Variants in CSMD1 observed in about 807,000 individuals in gnomAD.
CSMD1 encodes CUB and sushi domain-containing protein 1.
CSMD1 carries 213 observed loss-of-function variants against 417.5 expected under a neutral mutation model. The observed-to-expected ratio is 0.51, with a 90% CI of 0.46 to 0.57. The LOEUF is 0.57. CSMD1 is among the 20% of genes least tolerant of loss of function. The pLI is 0.00. For synonymous variants in CSMD1, 2,862 were observed against 1,736.8 expected (o/e 1.65, Z -16.11); for missense variants, 6,923 against 4,529.7 (o/e 1.53, Z -15.17).
intron 5 of CSMD1, among the ~76,000 whole-genome samples, chr8:3,807,329 G>C (rs1232267277): frequency 6.6e-6 from 1 of 152,090 alleles, no homozygotes; most frequent in African/African-American, 2.4e-5. Context: ...TTTTGTACTT[G>C]ACAAAGAGAA....
chr8:3,602,902 G>A (rs955504319), intron 8 of CSMD1, among the ~76,000 whole-genome samples: 2 of 152,096 alleles, frequency 1.3e-5, no homozygotes, highest in African/African-American at 4.8e-5. Context: ...ATAGGCTCAA[G>A]TAACAATCAC....
chr8:3,384,266 T>C (rs1442568558), intron 18 of CSMD1, among the ~76,000 whole-genome samples: 1 of 152,170 alleles, frequency 6.6e-6, no homozygotes, highest in Non-Finnish European at 1.5e-5. Flanking sequence ...GTTTTGAATC[T>C]TTATATCTTC....
intron 11 of CSMD1, among the ~76,000 whole-genome samples, chr8:3,475,245 A>C (rs6558780): frequency 0.75 from 114,176 of 152,060 alleles, 43,261 homozygotes; most frequent in East Asian, 0.88. Context: ...GTTTCACAGA[A>C]AACTGCTTCA....
At chr8:4,974,353 C>T (rs1211401633) in intron 1 of CSMD1, among the ~76,000 whole-genome samples, 2 of 152,034 alleles carry the variant, frequency 1.3e-5, no homozygotes, top group Admixed American at 6.6e-5. Flanking sequence ...TCTCACATGT[C>T]GGTTAGCACT....
intron 15 of CSMD1, among the ~76,000 whole-genome samples, chr8:3,402,731 T>A (rs1050056302): frequency 2.0e-5 from 3 of 152,200 alleles, no homozygotes; most frequent in Non-Finnish European, 4.4e-5. Flanking sequence ...TTTATCAGAA[T>A]CATAAACAGT....
At chr8:4,000,380 G>A (rs1422911843) in intron 4 of CSMD1, among the ~76,000 whole-genome samples, 4 of 152,210 alleles carry the variant, frequency 2.6e-5, no homozygotes, top group African/African-American at 7.2e-5. Flanking sequence ...ACAGTTCCCT[G>A]TCAAAATTGT....
chr8:3,594,284 T>A (rs960129532), intron 8 of CSMD1, among the ~76,000 whole-genome samples: 10 of 152,156 alleles, frequency 6.6e-5, no homozygotes, highest in African/African-American at 2.4e-4. Context: ...TCTTGGTCAA[T>A]ATATTAAATC....
chr8:4,079,167 A>G (rs1799992389), intron 3 of CSMD1, among the ~76,000 whole-genome samples: 1 of 152,022 alleles, frequency 6.6e-6, no homozygotes, highest in Admixed American at 6.6e-5. Flanking sequence ...GACACAGTAT[A>G]AATTGAATAT....
chr8:4,608,322 G>C (rs935269399), intron 2 of CSMD1, among the ~76,000 whole-genome samples: 1 of 152,182 alleles, frequency 6.6e-6, no homozygotes, highest in Non-Finnish European at 1.5e-5. Flanking sequence ...TGGGTGAGGA[G>C]GCAACTACCC....
intron 1 of CSMD1, among the ~76,000 whole-genome samples, chr8:4,967,689 C>T (rs776295066): frequency 6.6e-6 from 1 of 152,170 alleles, no homozygotes; most frequent in Non-Finnish European, 1.5e-5. Context: ...TACATTTCTT[C>T]CTCAAATGTT....
At chr8:3,026,985 G>C (rs1213072841) in intron 51 of CSMD1, among the ~76,000 whole-genome samples, 2 of 152,036 alleles carry the variant, frequency 1.3e-5, no homozygotes, top group African/African-American at 4.8e-5. Flanking sequence ...GGCCATTAAG[G>C]CTTGTAAATT....
rs183378619 is a variant in CSMD1, at chr8:4,017,242, C to T, written c.610+14663G>A. On this transcript the variant is annotated intron_variant, in intron 4 of 69. Coordinates refer to ENST00000635120, the MANE Select transcript of CSMD1 (RefSeq NM_033225.6). ...TTTAAATTGTCAGCACTATTTTTTTCACAATTCAAGGCTATGCAATTCATC... is the reference window on the plus strand; with the variant it reads ...TTTAAATTGTCAGCACTATTTTTTTTACAATTCAAGGCTATGCAATTCATC... Among the ~76,000 whole-genome samples the T allele has an allele frequency of 3.8e-4, 58 of 152,134 alleles. 2 individuals carry two copies. Among genetic ancestry groups the T allele is most frequent in the Admixed American group, 1.9e-3 (29 of 15,292 alleles).
At chr8:4,000,139 C>A (rs1815553490) in intron 4 of CSMD1, among the ~76,000 whole-genome samples, 1 of 152,138 alleles carries the variant, frequency 6.6e-6, no homozygotes, top group Non-Finnish European at 1.5e-5. Flanking sequence ...CAAGCACACA[C>A]ACTTCCCTGG....
chr8:4,871,980 C>G (rs1398483076), intron 1 of CSMD1, among the ~76,000 whole-genome samples: 1 of 152,046 alleles, frequency 6.6e-6, no homozygotes, highest in South Asian at 2.1e-4. Context: ...GCAGCACGGC[C>G]CCAGCATTTT....
At chr8:3,896,218 T>C (rs771672984) in intron 5 of CSMD1, among the ~76,000 whole-genome samples, 17 of 152,176 alleles carry the variant, frequency 1.1e-4, no homozygotes, top group Non-Finnish European at 2.4e-4. Flanking sequence ...TCCAATTCTA[T>C]AGCCTGGTTG....
At chr8:3,664,055 A>G (rs967381778) in intron 7 of CSMD1, among the ~76,000 whole-genome samples, 2 of 152,168 alleles carry the variant, frequency 1.3e-5, no homozygotes, top group African/African-American at 4.8e-5. Context: ...ATTAAACTTT[A>G]AGTTCTAGGG....
intron 5 of CSMD1, among the ~76,000 whole-genome samples, chr8:3,980,530 G>A (rs1585071327): frequency 7.1e-6 from 1 of 141,368 alleles, no homozygotes; most frequent in South Asian, 2.4e-4. Context: ...ATGCCATTTA[G>A]ATTTGTCGTC....
intron 1 of CSMD1, among the ~76,000 whole-genome samples, chr8:4,863,128 T>C (rs912806163): frequency 1.3e-4 from 20 of 152,062 alleles, no homozygotes; most frequent in Non-Finnish European, 1.0e-4. Flanking sequence ...AATGAAATAA[T>C]AAATTACTGA....
At chr8:3,726,877 T>C (rs932934146) in intron 6 of CSMD1, among the ~76,000 whole-genome samples, 1 of 152,184 alleles carries the variant, frequency 6.6e-6, no homozygotes, top group Admixed American at 6.5e-5. Context: ...AGATTTCCTG[T>C]CCCGTTAAAA....
Sources: gnomAD v4.1 joint callset for allele counts (sites outside exome capture counted in the v4.1 genomes callset) on GRCh38, gnomAD v4.1.1 for gene constraint, MANE v1.5 for transcripts, NCBI Gene and HGNC (gene_info 2026-07-23, HGNC 2026-07-21) for gene names.